Variants in WDR64 observed in about 807,000 individuals in gnomAD.
WDR64 encodes WD repeat domain 64.
In WDR64, 112 loss-of-function variants were observed where a neutral mutation model predicts 139.3. The observed-to-expected ratio is 0.80, with a 90% CI of 0.69 to 0.94. The LOEUF is 0.94. WDR64 is among the 40% of genes least tolerant of loss of function. The pLI is 0.00. For missense variants in WDR64, 1,206 were observed against 1,293.1 expected (o/e 0.93, Z 1.03); for synonymous variants, 444 against 437.7 (o/e 1.01, Z -0.18).
chr1:241,794,142 T>C (rs1171218373), intron 25 of WDR64, among the ~76,000 whole-genome samples: 3 of 151,164 alleles, frequency 2.0e-5, no homozygotes, highest in Non-Finnish European at 2.9e-5. Flanking sequence ...GATCACGCCA[T>C]TGCACTCCAG....
At chr1:241,679,687 T>C in intron 6 of WDR64, 92 bp downstream of exon 6, 6 of 1,018,736 alleles carry the variant, frequency 5.9e-6, no homozygotes, top group Non-Finnish European at 7.4e-6. Context: ...TGAACATCAG[T>C]TTCTTCATCT....
chr1:241,701,971 G>C (rs534249367), intron 8 of WDR64, among the ~76,000 whole-genome samples: 1 of 152,230 alleles, frequency 6.6e-6, no homozygotes, highest in African/African-American at 2.4e-5. Flanking sequence ...CAAGAAGACA[G>C]GAAAAAAATC....
intron 27 of WDR64, among the ~76,000 whole-genome samples, chr1:241,797,879 C>T (rs796346350): frequency 6.6e-5 from 10 of 152,098 alleles, no homozygotes; most frequent in African/African-American, 2.4e-4. Flanking sequence ...ATAATTCATG[C>T]ATTTTATGTC....
chr1:241,714,444 T>G (rs1418161805), intron 9 of WDR64, among the ~76,000 whole-genome samples: 1 of 152,192 alleles, frequency 6.6e-6, no homozygotes, highest in Non-Finnish European at 1.5e-5. Flanking sequence ...TTTTTTCAAA[T>G]TTCTCACTCT....
At chr1:241,747,283 C>T (rs774800595) in intron 13 of WDR64, among the ~76,000 whole-genome samples, 2 of 152,282 alleles carry the variant, frequency 1.3e-5, no homozygotes, top group Admixed American at 6.5e-5. Flanking sequence ...CGCATACACA[C>T]ACGAGTGCAC....
At chr1:241,672,049 C>T (rs971900194) in intron 3 of WDR64, among the ~76,000 whole-genome samples, 3 of 152,010 alleles carry the variant, frequency 2.0e-5, no homozygotes, top group Admixed American at 6.5e-5. Context: ...GTGGTGTGCA[C>T]CTGTAGTCCC....
intron 27 of WDR64, 34 bp from the exon 28 acceptor site, chr1:241,801,098 C>T (rs1424477708): frequency 1.9e-6 from 3 of 1,553,170 alleles, no homozygotes; most frequent in Admixed American, 1.7e-5. Context: ...CAGTAGAATG[C>T]CAGTTACTAA....
rs1659529535 is a variant in WDR64, at chr1:241,801,737, A to G, written c.*522A>G. The G allele has an allele frequency of 2.5e-6, 1 of 398,478 alleles. No homozygotes were observed. Among genetic ancestry groups the G allele is most frequent in the African/African-American group, 2.1e-5 (1 of 48,634 alleles). 24.7% of individuals were successfully genotyped at this position (398,478 alleles called of 1,614,324 possible). ...CCTAAGTTTCTCAAAGTCAGAAATTATTTCTATGTAGTCCAGACCTGACTC... is the reference window on the plus strand; with the variant it reads ...CCTAAGTTTCTCAAAGTCAGAAATTGTTTCTATGTAGTCCAGACCTGACTC... On this transcript the variant is annotated 3_prime_UTR_variant, in exon 28 of 28. Transcript: ENST00000437684.
At chr1:241,723,228 A>G in intron 9 of WDR64, 69 bp from the exon 10 acceptor site, 1 of 1,573,450 alleles carries the variant, frequency 6.4e-7, no homozygotes, top group Non-Finnish European at 8.7e-7. Context: ...GGTATGATAC[A>G]GTGAGAGATA....
intron 3 of WDR64, among the ~76,000 whole-genome samples, chr1:241,673,695 C>T (rs1033018304): frequency 2.0e-5 from 3 of 152,200 alleles, no homozygotes; most frequent in Admixed American, 6.5e-5. Flanking sequence ...TAGGGTATGA[C>T]ACCTGTTCAC....
At chr1:241,667,817 C>T (rs911178725) in intron 2 of WDR64, among the ~76,000 whole-genome samples, 1 of 152,196 alleles carries the variant, frequency 6.6e-6, no homozygotes, top group Admixed American at 6.5e-5. Context: ...TACTGGACTT[C>T]AAACCTACTG....
intron 6 of WDR64, among the ~76,000 whole-genome samples, chr1:241,683,209 T>C (rs1170347512): frequency 6.6e-6 from 1 of 152,146 alleles, no homozygotes. Flanking sequence ...AAAAAGGCCA[T>C]TTACAGTCAC....
chr1:241,802,250 G>A lies in WDR64; in HGVS notation c.*1035G>A, dbSNP rs1391155783. 2.5e-6 allele frequency: 1 copy of A among 398,004 alleles called. No homozygotes were observed. Among genetic ancestry groups the A allele is most frequent in the East Asian group, 3.6e-5 (1 of 27,964 alleles). 24.7% of individuals were successfully genotyped at this position (398,004 alleles called of 1,614,324 possible). ...AAATGCTAATGCATGCATTAACATAGACCAATCTCAAGAATATGTTAAGTC... is the reference window on the plus strand; with the variant it reads ...AAATGCTAATGCATGCATTAACATAAACCAATCTCAAGAATATGTTAAGTC... On this transcript the variant is annotated 3_prime_UTR_variant, in exon 28 of 28. Transcript: ENST00000437684.
intron 8 of WDR64, among the ~76,000 whole-genome samples, chr1:241,710,065 GA>G (rs77994007): frequency 0.051 from 7,272 of 142,322 alleles, 533 homozygotes; most frequent in African/African-American, 0.17. Context: ...AAAAAGAAAA[GA>G]AAAAAAAAAA....
At chr1:241,738,608 C>T in intron 11 of WDR64, 119 bp downstream of exon 11, 3 of 1,058,956 alleles carry the variant, frequency 2.8e-6, no homozygotes, top group South Asian at 3.8e-5. Flanking sequence ...TTTATCAAAC[C>T]ATGATTCGTG....
At chr1:241,689,844 C>A (rs908123009) in intron 8 of WDR64, among the ~76,000 whole-genome samples, 1 of 151,730 alleles carries the variant, frequency 6.6e-6, no homozygotes, top group Admixed American at 6.6e-5. Flanking sequence ...ATTAGTATAC[C>A]GGACGTAGCT....
intron 9 of WDR64, among the ~76,000 whole-genome samples, chr1:241,719,847 C>A (rs781278620): frequency 4.6e-5 from 7 of 151,598 alleles, no homozygotes; most frequent in African/African-American, 7.3e-5. Context: ...GAAGGATGTG[C>A]AGGTTTGTTA....
At chr1:241,671,025 C>A in intron 2 of WDR64, 49 bp from the exon 3 acceptor site, 1 of 1,307,258 alleles carries the variant, frequency 7.6e-7, no homozygotes, top group African/African-American at 1.5e-5. Context: ...TACTTTATAG[C>A]TAATTCTGAG....
chr1:241,672,011 C>G (rs553529258), intron 3 of WDR64, among the ~76,000 whole-genome samples: 2 of 152,214 alleles, frequency 1.3e-5, no homozygotes, highest in South Asian at 2.1e-4. Context: ...CCTGTCTCTA[C>G]TAAAAATACA....
Sources: gnomAD v4.1 joint callset for allele counts (sites outside exome capture counted in the v4.1 genomes callset) on GRCh38, gnomAD v4.1.1 for gene constraint, MANE v1.5 for transcripts, NCBI Gene and HGNC (gene_info 2026-07-23, HGNC 2026-07-21) for gene names.